IL1RAPL2: variants seen among roughly 807,000 people sequenced by gnomAD.
The protein encoded by IL1RAPL2 is X-linked interleukin-1 receptor accessory protein-like 2.
In IL1RAPL2, 3 loss-of-function variants were observed where a neutral mutation model predicts 44.1. The ratio of observed to expected loss-of-function variants is 0.07; its 90% CI spans 0.03 to 0.18. The LOEUF is 0.18. Among genes scored for constraint, IL1RAPL2 ranks in the 10% least tolerant of loss-of-function variants. The pLI is 1.00. For synonymous variants in IL1RAPL2, 181 were observed against 178.8 expected (o/e 1.01, Z -0.10); for missense variants, 391 against 496.4 (o/e 0.79, Z 2.02).
chrX:104,909,954 C>T (rs984528996), intron 2 of IL1RAPL2, among the ~76,000 whole-genome samples: 17 of 112,514 alleles, frequency 1.5e-4, no homozygotes, highest in East Asian at 5.6e-4. Flanking sequence ...CCGCCAGCCT[C>T]GCTGACGCCT....
At chrX:105,249,204 A>G (rs774218632) in intron 4 of IL1RAPL2, among the ~76,000 whole-genome samples, 3 of 111,149 alleles carry the variant, frequency 2.7e-5, no homozygotes, top group Non-Finnish European at 5.7e-5. Flanking sequence ...CATGGATGGA[A>G]CCAGAGGTCA....
At chrX:105,411,790 C>T (rs773570211) in intron 5 of IL1RAPL2, among the ~76,000 whole-genome samples, 8 of 111,710 alleles carry the variant, frequency 7.2e-5, no homozygotes, top group East Asian at 2.8e-4. Context: ...TAAACTATAT[C>T]GTAGACCAAA....
Position 104,932,213 on chromosome X carries a change from G to C in IL1RAPL2, c.83-263262G>C, listed in dbSNP as rs773544402. On this transcript the variant is annotated intron_variant, in intron 2 of 10. Coordinates refer to ENST00000372582, the MANE Select transcript of IL1RAPL2 (RefSeq NM_017416.2). ...GGCTTTTCACCATGTTGGCCAGGCT[G>C]GTCTCGAACTGCTGACCTCAGGAGA... Among the ~76,000 whole-genome samples, 3 of 108,718 alleles carry C rather than the reference G, an allele frequency of 2.8e-5. No homozygotes were observed. In the East Asian group the frequency reaches 8.7e-4, roughly 32 times the overall value. The allele number at this position is 108,718 out of a possible 115,157, so 94.4% of individuals were successfully genotyped here.
intron 1 of IL1RAPL2, among the ~76,000 whole-genome samples, chrX:104,584,129 C>T (rs1486876247): frequency 9.0e-6 from 1 of 111,223 alleles, no homozygotes; most frequent in Non-Finnish European, 1.9e-5. Flanking sequence ...GGGGTGAGGC[C>T]ATAGGAAGCT....
At chrX:105,661,356 G>T (rs963479069) in intron 6 of IL1RAPL2, among the ~76,000 whole-genome samples, 1 of 111,546 alleles carries the variant, frequency 9.0e-6, no homozygotes. Context: ...TGTCAGCCTT[G>T]GACAGGCCTT....
At chrX:105,383,581 G>C (rs1429322307) in intron 5 of IL1RAPL2, among the ~76,000 whole-genome samples, 1 of 112,128 alleles carries the variant, frequency 8.9e-6, no homozygotes, top group African/African-American at 3.2e-5. Flanking sequence ...GGAATATACA[G>C]GTATTTCTTT....
chrX:104,844,534 A>G (rs1439637350), intron 2 of IL1RAPL2, among the ~76,000 whole-genome samples: 1 of 111,680 alleles, frequency 9.0e-6, no homozygotes, highest in Non-Finnish European at 1.9e-5. Context: ...CCTGGACCAC[A>G]TTGGAAGAAG....
intron 2 of IL1RAPL2, among the ~76,000 whole-genome samples, chrX:105,075,620 C>A (rs1200416574): frequency 7.3e-4 from 82 of 111,966 alleles, no homozygotes; most frequent in Middle Eastern, 4.6e-3. Context: ...AGGAATGGTA[C>A]CAGCTCCTCC....
At chrX:105,079,311 A>G (rs1435246727) in intron 2 of IL1RAPL2, among the ~76,000 whole-genome samples, 1 of 110,384 alleles carries the variant, frequency 9.1e-6, no homozygotes, top group African/African-American at 3.3e-5. Context: ...TAGCAATCCT[A>G]TTACTGGGAA....
In IL1RAPL2 at chrX:105,330,079, A is replaced by G. The variant is rs781369404; in HGVS notation, c.697+62538A>G. On this transcript the variant is annotated intron_variant, in intron 5 of 10. Coordinates refer to ENST00000372582, the MANE Select transcript of IL1RAPL2 (RefSeq NM_017416.2). ...AATTAATGCAGAATTTTATGACTCAAGCTAAACTGACTGAATCTGAATCTG... is the reference window on the plus strand; with the variant it reads ...AATTAATGCAGAATTTTATGACTCAGGCTAAACTGACTGAATCTGAATCTG... Among the ~76,000 whole-genome samples, 3 of 111,191 alleles carry G rather than the reference A, an allele frequency of 2.7e-5. 1 individual carries two copies. In the South Asian group the frequency reaches 1.1e-3, roughly 42 times the overall value.
intron 2 of IL1RAPL2, among the ~76,000 whole-genome samples, chrX:104,767,552 C>T (rs951488335): frequency 1.8e-5 from 2 of 111,559 alleles, no homozygotes; most frequent in African/African-American, 6.5e-5. Flanking sequence ...AATGAGCGTA[C>T]TTAACACCTT....
intron 7 of IL1RAPL2, among the ~76,000 whole-genome samples, chrX:105,725,224 C>G (rs1039945905): frequency 1.8e-5 from 2 of 111,692 alleles, no homozygotes; most frequent in Admixed American, 1.9e-4. Context: ...CCTATCAATA[C>G]CTAATGTTTT....
At chrX:104,653,034 T>A (rs1428629680) in intron 1 of IL1RAPL2, among the ~76,000 whole-genome samples, 1 of 110,599 alleles carries the variant, frequency 9.0e-6, no homozygotes, top group Non-Finnish European at 1.9e-5. Flanking sequence ...TGTGACTGTG[T>A]GTGTCTTCTC....
intron 9 of IL1RAPL2, among the ~76,000 whole-genome samples, chrX:105,753,484 G>A (rs1325340114): frequency 9.0e-6 from 1 of 110,849 alleles, no homozygotes. Flanking sequence ...GTGTATCATC[G>A]GCAGCCCTGA....
Position 104,868,260 on chromosome X carries a change from T to G in IL1RAPL2, c.82+209265T>G, listed in dbSNP as rs573354389. ...TTTAGCTATATTGCAAGATTGAGAA[T>G]ATATTCTTGATATGCTAGTAGCAAG... On this transcript the variant is annotated intron_variant, in intron 2 of 10. Transcript: ENST00000372582. Among the ~76,000 whole-genome samples the G allele has an allele frequency of 1.4e-3, 162 of 112,241 alleles. 1 individual carries two copies. The highest frequency in any genetic ancestry group is 4.9e-3 in the African/African-American group (150 of 30,920).
chrX:105,705,401 T>C (rs1042642507), intron 6 of IL1RAPL2, among the ~76,000 whole-genome samples: 1 of 111,166 alleles, frequency 9.0e-6, no homozygotes. Context: ...CTTGAGAGCT[T>C]CAGGGGAAAG....
chrX:104,927,729 G>A (rs1001346839), intron 2 of IL1RAPL2, among the ~76,000 whole-genome samples: 23 of 111,911 alleles, frequency 2.1e-4, no homozygotes, highest in African/African-American at 7.1e-4. Flanking sequence ...AGAGTGGCCT[G>A]CCGTAGAAAC....
chrX:105,007,430 T>A (rs951078128), intron 2 of IL1RAPL2, among the ~76,000 whole-genome samples: 4 of 111,573 alleles, frequency 3.6e-5, no homozygotes, highest in African/African-American at 1.3e-4. Flanking sequence ...CTCAATAAAA[T>A]TCCATAGGCC....
chrX:105,717,862 A>G (rs2038270555), intron 7 of IL1RAPL2, among the ~76,000 whole-genome samples: 1 of 112,383 alleles, frequency 8.9e-6, no homozygotes, highest in Non-Finnish European at 1.9e-5. Context: ...TTCATATGTC[A>G]TAAGTGTAAA....
Sources: gnomAD v4.1 joint callset for allele counts (sites outside exome capture counted in the v4.1 genomes callset) on GRCh38, gnomAD v4.1.1 for gene constraint, MANE v1.5 for transcripts, NCBI Gene and HGNC (gene_info 2026-07-23, HGNC 2026-07-21) for gene names.